Variants in RPS6KA3 observed in about 807,000 individuals in gnomAD.
RPS6KA3 encodes the protein ribosomal protein S6 kinase alpha-3.
RPS6KA3 carries 4 observed loss-of-function variants against 67.2 expected under a neutral mutation model. That is an observed-to-expected ratio of 0.06 (90% CI 0.03 to 0.14). The LOEUF is 0.14. RPS6KA3 is among the 10% of genes least tolerant of loss of function. The probability of loss-of-function intolerance (pLI) is 1.00; values close to 1 mark genes in which losing one functional copy is unlikely to be tolerated. For missense variants in RPS6KA3, 204 were observed against 559.0 expected, an observed-to-expected ratio of 0.36 and a Z score of 6.40; for synonymous variants, 182 against 183.7, an observed-to-expected ratio of 0.99 and a Z score of 0.07.
chrX:20,201,989 T>C (rs1320112243), intron 4 of RPS6KA3, among the ~76,000 whole-genome samples: 3 of 102,156 alleles, frequency 2.9e-5, no homozygotes, highest in African/African-American at 1.1e-4. Flanking sequence ...TTTTTTTTTT[T>C]TTTTTTTGAG....
intron 3 of RPS6KA3, among the ~76,000 whole-genome samples, chrX:20,205,570 C>A (rs1319996752): frequency 1.8e-5 from 2 of 111,948 alleles, no homozygotes; most frequent in Admixed American, 9.4e-5. Flanking sequence ...TAATCACCAC[C>A]CCCTTTCACC....
intron 1 of RPS6KA3, among the ~76,000 whole-genome samples, chrX:20,248,967 G>GC (rs2147042521): frequency 9.0e-6 from 1 of 111,482 alleles, no homozygotes; most frequent in East Asian, 2.8e-4. Context: ...CCCTCATGTG[G>GC]CCCCTTTACG....
chrX:20,264,662 C>T (rs2070324731), intron 1 of RPS6KA3, among the ~76,000 whole-genome samples: 1 of 111,691 alleles, frequency 9.0e-6, no homozygotes, highest in East Asian at 2.8e-4. Flanking sequence ...TATGTTTTGT[C>T]CTTCCTTATC....
intron 2 of RPS6KA3, among the ~76,000 whole-genome samples, chrX:20,227,833 C>A (rs909329579): frequency 9.0e-6 from 1 of 110,624 alleles, no homozygotes; most frequent in African/African-American, 3.3e-5. Context: ...GATATTACAA[C>A]GTAAAAAAAA....
At chrX:20,198,562 C>T (rs769879517) in intron 4 of RPS6KA3, among the ~76,000 whole-genome samples, 2 of 111,930 alleles carry the variant, frequency 1.8e-5, no homozygotes, top group Non-Finnish European at 3.8e-5. Context: ...TAATATGGCA[C>T]CTCACCCTTT....
chrX:20,204,182 A>G (rs989807577), intron 3 of RPS6KA3, 79 bp from the exon 4 acceptor site: 113 of 594,254 alleles, frequency 1.9e-4, no homozygotes, highest in Non-Finnish European at 2.0e-5. Context: ...CTGCTATAAT[A>G]CAGTTTATTA....
At chrX:20,190,867 A>C (rs1450674995) in intron 7 of RPS6KA3, among the ~76,000 whole-genome samples, 1 of 110,520 alleles carries the variant, frequency 9.0e-6, no homozygotes, top group African/African-American at 3.3e-5. Flanking sequence ...ATTTTGTACT[A>C]ACTTTTTTTT....
chrX:20,186,327 CT>C lies in RPS6KA3; in HGVS notation c.813del (p.Asp272IlefsTer6). On this transcript the variant is annotated frameshift_variant, in exon 10 of 22. Transcript: ENST00000379565. LOFTEE classifies it high-confidence loss of function. ...MLTGTLPFQG[K>X]DRKETMTMIL... ...ATCATAGTCATTGTTTCTTTTCGAT[CT>C]TTTCCTTGGAAAGGGAGTGTACCAG... 1.7e-6 allele frequency: 2 copies of C among 1,185,954 alleles called. No homozygotes were observed. Among genetic ancestry groups the C allele is most frequent in the Non-Finnish European group, 2.3e-6 (2 of 873,291 alleles).
At chrX:20,254,610 T>G (rs976807264) in intron 1 of RPS6KA3, among the ~76,000 whole-genome samples, 9 of 112,242 alleles carry the variant, frequency 8.0e-5, no homozygotes, top group Non-Finnish European at 1.5e-4. Flanking sequence ...CTAAGTTTTC[T>G]GAGAAGAAAT....
At chrX:20,221,191 T>C (rs887127309) in intron 2 of RPS6KA3, among the ~76,000 whole-genome samples, 1 of 111,788 alleles carries the variant, frequency 8.9e-6, no homozygotes, top group East Asian at 2.8e-4. Flanking sequence ...ACATAAGACC[T>C]CAAATAAATG....
chrX:20,234,864 G>GTT, intron 1 of RPS6KA3, 50 bp from the exon 2 acceptor site: 1 of 922,409 alleles, frequency 1.1e-6, no homozygotes, highest in Non-Finnish European at 1.6e-6. Flanking sequence ...CCTCACATCA[G>GTT]TTAAAGTTAA....
intron 17 of RPS6KA3, among the ~76,000 whole-genome samples, 176 bp from the exon 18 acceptor site, chrX:20,165,236 G>A (rs2067403457): frequency 9.0e-6 from 1 of 111,492 alleles, no homozygotes; most frequent in Non-Finnish European, 1.9e-5. Flanking sequence ...CATAGACCGG[G>A]GGCAAGGAGG....
At chrX:20,219,211 AT>A (rs2068931137) in intron 2 of RPS6KA3, among the ~76,000 whole-genome samples, 1 of 112,146 alleles carries the variant, frequency 8.9e-6, no homozygotes. Flanking sequence ...AAATGCCAGA[AT>A]TTCTTAACTA....
rs915024742 is a variant in RPS6KA3 at position 20,170,979 on chromosome X, C to G, written c.1354-1488G>C. 4.0e-4 allele frequency among the ~76,000 whole-genome samples: 44 copies of G among 110,860 alleles called. No individual in the cohort carries two copies. The Admixed American group carries it at 4.2e-3, about 10-fold the overall frequency. ...TTTTCTGTAGAGATAGGGTCTTGCT[C>G]TGTTGCCCAGGCTTGTCTCAAACTC... On this transcript the variant is annotated intron_variant, in intron 15 of 21. Transcript: ENST00000379565.
intron 2 of RPS6KA3, among the ~76,000 whole-genome samples, chrX:20,220,224 G>C (rs1183335299): frequency 1.8e-5 from 2 of 111,000 alleles, no homozygotes; most frequent in Admixed American, 9.6e-5. Context: ...AAAAAACCTT[G>C]CTCAATTTAA....
chrX:20,163,678 A>ATTT (rs2067360967), intron 18 of RPS6KA3, among the ~76,000 whole-genome samples: 1 of 110,008 alleles, frequency 9.1e-6, no homozygotes, highest in Admixed American at 9.8e-5. Flanking sequence ...TATTATTATT[A>ATTT]TTATTATTGA....
At chrX:20,207,504 G>T (rs1405750818) in intron 3 of RPS6KA3, among the ~76,000 whole-genome samples, 1 of 111,890 alleles carries the variant, frequency 8.9e-6, no homozygotes, top group Non-Finnish European at 1.9e-5. Flanking sequence ...TATGTCAGCT[G>T]TATGTGAGTT....
At chrX:20,176,895 T>C in intron 11 of RPS6KA3, 101 bp downstream of exon 11, 1 of 659,274 alleles carries the variant, frequency 1.5e-6, no homozygotes, top group Non-Finnish European at 2.5e-6. Flanking sequence ...CCTAGCCTTG[T>C]CTAAATAGTT....
chrX:20,221,301 A>T (rs1433461828), intron 2 of RPS6KA3, among the ~76,000 whole-genome samples: 2 of 111,743 alleles, frequency 1.8e-5, no homozygotes, highest in African/African-American at 6.5e-5. Context: ...CATCTCTAAA[A>T]TTTCTTAAAC....
Sources: allele counts gnomAD v4.1 joint callset (sites outside exome capture counted in the v4.1 genomes callset), GRCh38; gene constraint gnomAD v4.1.1; transcripts MANE v1.5; gene names NCBI Gene and HGNC (gene_info 2026-07-23, HGNC 2026-07-21).